SHANK2: variants seen among roughly 807,000 people sequenced by gnomAD.
SHANK2 encodes the protein SH3 and multiple ankyrin repeat domains protein 2.
Under a neutral mutation model 133.7 loss-of-function variants are expected in SHANK2, and 43 were observed. The observed-to-expected ratio is 0.32, with a 90% CI of 0.25 to 0.41. The LOEUF is 0.41. Among genes scored for constraint, SHANK2 ranks in the 10% least tolerant of loss-of-function variants. The pLI is 1.00. For synonymous variants in SHANK2, 1,017 were observed against 952.8 expected (o/e 1.07, Z -1.24); for missense variants, 1,994 against 2,235.8 (o/e 0.89, Z 2.18).
At chr11:70,498,432 C>A (rs1454328522) in intron 21 of SHANK2, among the ~76,000 whole-genome samples, 1 of 152,194 alleles carries the variant, frequency 6.6e-6, no homozygotes. Flanking sequence ...GAGTCACACA[C>A]CTTCCAAGGG....
intron 13 of SHANK2, among the ~76,000 whole-genome samples, chr11:70,806,484 C>T (rs1219272284): frequency 3.9e-5 from 6 of 152,242 alleles, no homozygotes; most frequent in Non-Finnish European, 5.9e-5. Flanking sequence ...TGTCTAACCC[C>T]TTCTTGACCT....
chr11:70,770,910 ACTTC>A (rs1947234960), intron 14 of SHANK2, among the ~76,000 whole-genome samples: 1 of 100,148 alleles, frequency 1.0e-5, no homozygotes, highest in Non-Finnish European at 2.0e-5. Flanking sequence ...CCTCCCTCTT[ACTTC>A]CTTTTTTTTT....
At chr11:70,713,295 G>A (rs1276231524) in intron 14 of SHANK2, among the ~76,000 whole-genome samples, 10 of 152,256 alleles carry the variant, frequency 6.6e-5, no homozygotes, top group Non-Finnish European at 1.0e-4. Context: ...TCCTGGCACA[G>A]TTGGTTTTTC....
At chr11:70,649,630 G>C (rs1235503406) in intron 17 of SHANK2, among the ~76,000 whole-genome samples, 1 of 152,142 alleles carries the variant, frequency 6.6e-6, no homozygotes, top group Non-Finnish European at 1.5e-5. Context: ...GTGGGCAGTG[G>C]GTGTATGGGA....
chr11:70,688,414 T>TGCACCTAATTTCGC (rs1248173350), intron 15 of SHANK2, among the ~76,000 whole-genome samples: 2 of 152,142 alleles, frequency 1.3e-5, no homozygotes, highest in Non-Finnish European at 2.9e-5. Flanking sequence ...CCTAATTTCG[T>TGCACCTAATTTCGC]GCACCTAATT....
intron 17 of SHANK2, among the ~76,000 whole-genome samples, chr11:70,532,012 C>T (rs570749523): frequency 7.2e-5 from 11 of 152,136 alleles, no homozygotes; most frequent in Non-Finnish European, 1.6e-4. Flanking sequence ...AGGCTGGGTA[C>T]GGAGCTCTGA....
chr11:70,583,248 C>T (rs782286106), intron 17 of SHANK2, among the ~76,000 whole-genome samples: 1 of 152,124 alleles, frequency 6.6e-6, no homozygotes, highest in Non-Finnish European at 1.5e-5. Context: ...GCAGCATGTC[C>T]CCAACTGATG....
In SHANK2 at chr11:70,713,155, T is replaced by C. The variant is rs373723527; in HGVS notation, c.1778-14392A>G. Among the ~76,000 whole-genome samples, 9 of 152,332 alleles carry C rather than the reference T, an allele frequency of 5.9e-5. No homozygotes were observed. In the South Asian group the frequency reaches 1.9e-3, roughly 32 times the overall value. ...GCACGTGCCAGTGGGTCCTCAGCAC[T>C]CTGACACCACACAAGGGCCAGATCT... is the stretch of plus-strand genomic sequence containing the variant. On this transcript the variant is annotated intron_variant, in intron 14 of 25. Coordinates refer to ENST00000601538, the MANE Select transcript of SHANK2 (RefSeq NM_012309.5).
Position 70,535,681 on chromosome 11 carries a change from A to G in SHANK2, c.2062-32750T>C, listed in dbSNP as rs2059534053. ...TCCTGGCCCCGCCTTTAAGGGCTGC[A>G]CAGTTGGGCAGGAGGATGGCCACCC... On this transcript the variant is annotated intron_variant, in intron 17 of 25. Coordinates refer to ENST00000601538, the MANE Select transcript of SHANK2 (RefSeq NM_012309.5). This position sits in a 1 kb window ranked among gnomAD's most constrained non-coding sequence, Gnocchi z 4.3. Among the ~76,000 whole-genome samples, 1 of 152,232 alleles carries G rather than the reference A, an allele frequency of 6.6e-6. No homozygotes were observed. The highest frequency in any genetic ancestry group is 2.1e-4 in the South Asian group (1 of 4,830).
At chr11:70,954,483 G>A (rs782718741) in intron 10 of SHANK2, among the ~76,000 whole-genome samples, 29 of 152,220 alleles carry the variant, frequency 1.9e-4, no homozygotes, top group Non-Finnish European at 2.8e-4. Flanking sequence ...ATTGCTAAAT[G>A]TGGGAACTCA....
chr11:70,559,582 C>G, intron 17 of SHANK2, among the ~76,000 whole-genome samples: 1 of 152,138 alleles, frequency 6.6e-6, no homozygotes. Context: ...ACCTGGCCCG[C>G]GCTTTCCTGG....
chr11:70,609,763 G>A (rs6592653), intron 17 of SHANK2, among the ~76,000 whole-genome samples: 8,648 of 55,904 alleles, frequency 0.15, 530 homozygotes, highest in East Asian at 0.52. Context: ...GTATATACAT[G>A]TACTATATTG....
intron 14 of SHANK2, among the ~76,000 whole-genome samples, chr11:70,702,573 C>A (rs989571785): frequency 6.6e-6 from 1 of 152,218 alleles, no homozygotes; most frequent in Non-Finnish European, 1.5e-5. Context: ...CCACTATGAC[C>A]GCCACAATCA....
chr11:71,210,902 C>T (rs1591024094), intron 2 of SHANK2, among the ~76,000 whole-genome samples: 1 of 152,302 alleles, frequency 6.6e-6, no homozygotes, highest in East Asian at 1.9e-4. Context: ...GCACTCCCCT[C>T]ATCCTCACGG....
intron 2 of SHANK2, among the ~76,000 whole-genome samples, chr11:71,169,340 T>C (rs112277389): frequency 5.3e-5 from 8 of 152,238 alleles, no homozygotes; most frequent in African/African-American, 1.9e-4. Context: ...AGGTCACTTA[T>C]GAAGTCTGAC....
chr11:70,787,444 C>T (rs556695431), intron 14 of SHANK2, among the ~76,000 whole-genome samples: 2 of 149,178 alleles, frequency 1.3e-5, no homozygotes, highest in East Asian at 2.0e-4. Context: ...CTGTCATCAC[C>T]AAGACCACCA....
At chr11:71,153,925 G>A (rs1398739072) in intron 2 of SHANK2, among the ~76,000 whole-genome samples, 2 of 152,068 alleles carry the variant, frequency 1.3e-5, no homozygotes, top group African/African-American at 4.8e-5. Context: ...AGCCGAGATC[G>A]TACCACTGCA....
At chr11:71,231,852 G>GCACTC (rs1379204755) in intron 1 of SHANK2, among the ~76,000 whole-genome samples, 1 of 151,654 alleles carries the variant, frequency 6.6e-6, no homozygotes, top group Non-Finnish European at 1.5e-5. Context: ...TCATGCCACT[G>GCACTC]CACTCCAGCC....
At chr11:71,118,724 A>C (rs1952028191) in intron 4 of SHANK2, 105 bp downstream of exon 4, 2 of 976,426 alleles carry the variant, frequency 2.0e-6, no homozygotes, top group African/African-American at 3.3e-5. Flanking sequence ...ATAATTTCCC[A>C]ATGCAAATGG....
Sources: allele counts gnomAD v4.1 joint callset (sites outside exome capture counted in the v4.1 genomes callset), GRCh38; gene constraint gnomAD v4.1.1; non-coding constraint Gnocchi (gnomAD v3.1); transcripts MANE v1.5; gene names NCBI Gene and HGNC (gene_info 2026-07-23, HGNC 2026-07-21).